Variants in CCDC6 observed in about 807,000 individuals in gnomAD.
CCDC6 encodes the protein coiled-coil domain containing 6.
CCDC6 carries 20 observed loss-of-function variants against 56.6 expected under a neutral mutation model. That is an observed-to-expected ratio of 0.35 (90% CI 0.25 to 0.51). The LOEUF (loss-of-function observed/expected upper bound fraction) is 0.51, where lower values mean the gene tolerates loss of function less well. Ranked by LOEUF, CCDC6 falls within the 20% of genes least tolerant of loss-of-function variation. The probability of loss-of-function intolerance (pLI) is 0.95; values close to 1 mark genes in which losing one functional copy is unlikely to be tolerated. For synonymous variants in CCDC6, 241 were observed against 234.4 expected (o/e 1.03, Z -0.26); for missense variants, 367 against 601.1 (o/e 0.61, Z 4.07).
chr10:59,875,931 C>G (rs748404117), intron 1 of CCDC6, among the ~76,000 whole-genome samples: 29 of 152,080 alleles, frequency 1.9e-4, no homozygotes, highest in Non-Finnish European at 3.8e-4. Context: ...GGACATTAAC[C>G]TGAGACTATA....
chr10:59,812,516 A>G, intron 5 of CCDC6, 119 bp downstream of exon 5: 1 of 652,846 alleles, frequency 1.5e-6, no homozygotes, highest in Non-Finnish European at 2.4e-6. Flanking sequence ...AACATGCATC[A>G]GTAATATATG....
intron 2 of CCDC6, 43 bp from the exon 3 acceptor site, chr10:59,832,696 A>T: frequency 2.5e-6 from 4 of 1,600,338 alleles, no homozygotes; most frequent in Non-Finnish European, 3.4e-6. Context: ...CAGGCAACTC[A>T]AATGCCATGG....
At chr10:59,845,843 C>A (rs1197654346) in intron 2 of CCDC6, among the ~76,000 whole-genome samples, 1 of 152,168 alleles carries the variant, frequency 6.6e-6, no homozygotes. Flanking sequence ...TAGATCTCTC[C>A]CCTAACACAG....
At chr10:59,802,752 A>G (rs753590829) in intron 7 of CCDC6, among the ~76,000 whole-genome samples, 2 of 152,202 alleles carry the variant, frequency 1.3e-5, no homozygotes, top group Non-Finnish European at 2.9e-5. Context: ...ATACAGTAAG[A>G]TTTTCCTGAA....
intron 3 of CCDC6, among the ~76,000 whole-genome samples, chr10:59,822,390 A>T (rs2070756103): frequency 1.3e-5 from 2 of 152,214 alleles, no homozygotes; most frequent in African/African-American, 4.8e-5. Flanking sequence ...ACATCAACAT[A>T]ATATTACAGA....
intron 6 of CCDC6, 51 bp downstream of exon 6, chr10:59,806,871 C>T: frequency 1.3e-6 from 2 of 1,575,338 alleles, no homozygotes; most frequent in Non-Finnish European, 1.7e-6. Flanking sequence ...CTCTGTAGAA[C>T]CTGGGTTTTA....
At chr10:59,829,232 T>C (rs1194350606) in intron 3 of CCDC6, among the ~76,000 whole-genome samples, 1 of 152,318 alleles carries the variant, frequency 6.6e-6, no homozygotes, top group East Asian at 1.9e-4. Context: ...TCAGAAACCA[T>C]GATAACCCAA....
chr10:59,860,778 T>C (rs1425118986), intron 1 of CCDC6, among the ~76,000 whole-genome samples: 2 of 152,224 alleles, frequency 1.3e-5, no homozygotes, highest in African/African-American at 2.4e-5. Context: ...CTGGGCGCGA[T>C]GGCTTACGTC....
At chr10:59,828,180 G>A (rs1283805090) in intron 3 of CCDC6, among the ~76,000 whole-genome samples, 1 of 152,144 alleles carries the variant, frequency 6.6e-6, no homozygotes, top group Non-Finnish European at 1.5e-5. Context: ...CTAAGAAAAT[G>A]TGAATAGCAA....
At chr10:59,896,011 G>A (rs949003583) in intron 1 of CCDC6, among the ~76,000 whole-genome samples, 17 of 152,134 alleles carry the variant, frequency 1.1e-4, no homozygotes, top group East Asian at 5.8e-4. Flanking sequence ...ATTGTCACAC[G>A]TTGTTGCCAG....
chr10:59,890,520 A>T (rs2071414079), intron 1 of CCDC6, among the ~76,000 whole-genome samples: 1 of 152,182 alleles, frequency 6.6e-6, no homozygotes, highest in Non-Finnish European at 1.5e-5. Context: ...CATTGAATTG[A>T]GAAGGAAAAG....
intron 1 of CCDC6, among the ~76,000 whole-genome samples, chr10:59,862,815 T>C (rs929915510): frequency 6.6e-5 from 10 of 152,122 alleles, no homozygotes; most frequent in South Asian, 2.1e-4. Flanking sequence ...GCAGTGTACA[T>C]TGGTACAAAT....
At chr10:59,901,858 T>G (rs2071505591) in intron 1 of CCDC6, among the ~76,000 whole-genome samples, 1 of 152,106 alleles carries the variant, frequency 6.6e-6, no homozygotes, top group African/African-American at 2.4e-5. Context: ...AATCACATTC[T>G]CACTCATAGG....
At chr10:59,826,379 T>C (rs2070787773) in intron 3 of CCDC6, among the ~76,000 whole-genome samples, 1 of 152,214 alleles carries the variant, frequency 6.6e-6, no homozygotes, top group Non-Finnish European at 1.5e-5. Flanking sequence ...CCCTGCAACA[T>C]GGCTGAACAT....
At chr10:59,813,075 TC>T (rs1384063272) in intron 4 of CCDC6, among the ~76,000 whole-genome samples, 1 of 152,230 alleles carries the variant, frequency 6.6e-6, no homozygotes, top group Non-Finnish European at 1.5e-5. Context: ...AACAACAGGA[TC>T]TGATAATTAT....
chr10:59,880,081 G>C lies in CCDC6; in HGVS notation c.303+26041C>G, dbSNP rs898198243. On this transcript the variant is annotated intron_variant, in intron 1 of 8. Coordinates refer to ENST00000263102, the MANE Select transcript of CCDC6 (RefSeq NM_005436.5). ...AATGTCTCTGGCAGAGGCTCTGAGT[G>C]CATCAATATTTTTAATCCATTCTTT... Among the ~76,000 whole-genome samples the C allele has an allele frequency of 5.3e-5, 8 of 152,210 alleles. No homozygotes were observed. In the East Asian group the frequency reaches 1.5e-3, roughly 29 times the overall value.
At chr10:59,848,078 AGTGTGCCC>A (rs1314116776) in intron 2 of CCDC6, among the ~76,000 whole-genome samples, 3 of 152,032 alleles carry the variant, frequency 2.0e-5, no homozygotes, top group African/African-American at 4.8e-5. Flanking sequence ...AGTGTGAGTG[AGTGTGCCC>A]GTGTGCCCTG....
chr10:59,851,661 T>C (rs1354863863), intron 2 of CCDC6, among the ~76,000 whole-genome samples: 1 of 152,180 alleles, frequency 6.6e-6, no homozygotes, highest in African/African-American at 2.4e-5. Flanking sequence ...GAATAACTTC[T>C]TATTACAACC....
chr10:59,890,527 A>G (rs2071414133), intron 1 of CCDC6, among the ~76,000 whole-genome samples: 1 of 152,120 alleles, frequency 6.6e-6, no homozygotes, highest in South Asian at 2.1e-4. Context: ...TTGAGAAGGA[A>G]AAGGAAGAAC....
Sources: allele counts gnomAD v4.1 joint callset (sites outside exome capture counted in the v4.1 genomes callset), GRCh38; gene constraint gnomAD v4.1.1; transcripts MANE v1.5; gene names NCBI Gene and HGNC (gene_info 2026-07-23, HGNC 2026-07-21).